POLN: variants seen among roughly 807,000 people sequenced by gnomAD.
The protein encoded by POLN is DNA polymerase N.
In POLN, 108 loss-of-function variants were observed where a neutral mutation model predicts 113.5. That is an observed-to-expected ratio of 0.95 (90% CI 0.81 to 1.12). The LOEUF is 1.12. POLN is among the 50% of genes most tolerant of loss of function. The pLI is 0.00. For missense variants in POLN, 1,097 were observed against 1,077.1 expected (o/e 1.02, Z -0.26); for synonymous variants, 386 against 391.5 (o/e 0.99, Z 0.17).
At chr4:2,186,177 A>C (rs1281762580) in intron 7 of POLN, among the ~76,000 whole-genome samples, 1 of 152,230 alleles carries the variant, frequency 6.6e-6, no homozygotes, top group African/African-American at 2.4e-5. Context: ...AACTGAAAAA[A>C]GTGAGACTGA....
intron 23 of POLN, chr4:2,077,166 G>C (rs946520349): frequency 1.3e-5 from 2 of 152,256 alleles, no homozygotes; most frequent in Admixed American, 1.3e-4. Flanking sequence ...TGCAAGGTGT[G>C]AGGGCTGGAG....
At chr4:2,112,346 A>T (rs887564397) in intron 19 of POLN, among the ~76,000 whole-genome samples, 102 of 152,354 alleles carry the variant, frequency 6.7e-4, no homozygotes, top group Non-Finnish European at 1.3e-3. Flanking sequence ...CATGTCTAAA[A>T]CACCAAAGCA....
At chr4:2,201,305 G>GAAAAAAAA (rs1733709580) in intron 5 of POLN, among the ~76,000 whole-genome samples, 34 of 58,098 alleles carry the variant, frequency 5.9e-4, no homozygotes, top group African/African-American at 2.1e-3. Flanking sequence ...AAAAAAAAAC[G>GAAAAAAAA]AGGGGAGAAA....
intron 2 of POLN, among the ~76,000 whole-genome samples, chr4:2,235,297 G>A (rs1734722154): frequency 6.6e-6 from 1 of 152,192 alleles, no homozygotes; most frequent in South Asian, 2.1e-4. Flanking sequence ...TCAGTAATGG[G>A]AGACCTTTCA....
intron 13 of POLN, among the ~76,000 whole-genome samples, chr4:2,169,342 G>C (rs1196652707): frequency 6.6e-6 from 1 of 152,232 alleles, no homozygotes; most frequent in Non-Finnish European, 1.5e-5. Flanking sequence ...AGAATGGTTG[G>C]AGGGATCTAA....
At chr4:2,143,596 T>C (rs1212315173) in intron 16 of POLN, among the ~76,000 whole-genome samples, 1 of 152,210 alleles carries the variant, frequency 6.6e-6, no homozygotes, top group Non-Finnish European at 1.5e-5. Context: ...ATGATTTCAT[T>C]AGAGGATTCT....
chr4:2,205,261 G>A (rs1186088088), intron 5 of POLN, among the ~76,000 whole-genome samples: 2 of 152,118 alleles, frequency 1.3e-5, no homozygotes, highest in Non-Finnish European at 2.9e-5. Context: ...CAAAATTAAG[G>A]TACACAAATC....
At chr4:2,114,071 G>C (rs543603260) in intron 19 of POLN, among the ~76,000 whole-genome samples, 1 of 151,384 alleles carries the variant, frequency 6.6e-6, no homozygotes, top group South Asian at 2.1e-4. Flanking sequence ...GCTAATTTTT[G>C]TATTTTTTGT....
intron 4 of POLN, among the ~76,000 whole-genome samples, chr4:2,209,068 T>A (rs1733926959): frequency 6.6e-6 from 1 of 152,150 alleles, no homozygotes; most frequent in Non-Finnish European, 1.5e-5. Flanking sequence ...TGGATAGGAT[T>A]ATGTTGCATA....
chr4:2,199,727 C>T (rs1733665093), intron 5 of POLN, among the ~76,000 whole-genome samples: 1 of 152,058 alleles, frequency 6.6e-6, no homozygotes, highest in South Asian at 2.1e-4. Context: ...CAGGCACACA[C>T]TGCCACACCC....
chr4:2,241,021 G>C, intron 2 of POLN: 2 of 1,106,934 alleles, frequency 1.8e-6, no homozygotes, highest in South Asian at 1.4e-5. Flanking sequence ...AATCCAAGCA[G>C]AAAAAAAGCT....
intron 13 of POLN, among the ~76,000 whole-genome samples, chr4:2,169,661 G>A (rs573160915): frequency 5.9e-5 from 9 of 152,192 alleles, no homozygotes; most frequent in Non-Finnish European, 1.0e-4. Flanking sequence ...AGGAAACTGA[G>A]GCACAGAGCA....
At position 2,163,135 on chromosome 4, in the gene POLN, G is replaced by A. The variant is rs1732643029; in HGVS notation, c.1555-3924C>T. ...CTGATTATATGATTTTGATGTAATA[G>A]GTGAACCATTAAATCATAGTGCTCT... On this transcript the variant is annotated intron_variant, in intron 13 of 25. Coordinates refer to ENST00000511885, the MANE Select transcript of POLN (RefSeq NM_181808.4). 1.3e-5 allele frequency among the ~76,000 whole-genome samples: 2 copies of A among 151,540 alleles called. 1 individual carries two copies. Among genetic ancestry groups the A allele is most frequent in the African/African-American group, 4.9e-5 (2 of 41,216 alleles).
chr4:2,095,846 C>T lies in POLN; in HGVS notation c.2065+5G>A, dbSNP rs1037003563. On this transcript the variant is annotated splice_donor_5th_base_variant and intron_variant, in intron 20 of 25. Transcript: ENST00000511885. The stretch of plus-strand genomic sequence containing the variant: ...CGAGACCCCAGCTCCCGGCCCGCAG[C>T]CTACCTGCTCCATAGACCACCGCGT... 6.2e-7 allele frequency: 1 copy of T among 1,613,880 alleles called. No individual in the cohort carries two copies. Among genetic ancestry groups the T allele is most frequent in the African/African-American group, 1.3e-5 (1 of 75,024 alleles).
chr4:2,096,621 C>T (rs578021541), intron 19 of POLN, among the ~76,000 whole-genome samples: 109 of 150,098 alleles, frequency 7.3e-4, no homozygotes, highest in African/African-American at 2.6e-3. Context: ...CTTTTGTAAA[C>T]ATCCTTATCA....
chr4:2,120,695 A>G (rs1731418419), intron 19 of POLN, among the ~76,000 whole-genome samples: 1 of 152,094 alleles, frequency 6.6e-6, no homozygotes, highest in African/African-American at 2.4e-5. Context: ...GGGTTTCATC[A>G]TGTTGGCCAT....
In POLN at chr4:2,129,184, G is replaced by A. The variant is rs757023933; in HGVS notation, c.1862C>T (p.Ala621Val). 6.9e-6 allele frequency: 11 copies of A among 1,584,312 alleles called. No individual in the cohort carries two copies. The highest frequency in any genetic ancestry group is 1.3e-5 in the African/African-American group (1 of 74,130). Residue 621 changes from alanine to valine, a missense_variant, in exon 18 of 26, where the codon GCA becomes GTA. Ala to Val is a moderately conservative substitution (Grantham distance 64, BLOSUM62 0). Transcript: ENST00000511885. ...AGCAAGCTACAGCAACGTACCTGCT[G>A]CTAGAAAGGTGTGGCCTTTGGATGA... is the stretch of plus-strand genomic sequence containing the variant. The part of the protein sequence containing the change: ...FVSSKGHTFL[A>V]ADFSQIELRI...
At chr4:2,229,441 G>A (rs1734498469) in intron 2 of POLN, 198 bp from the exon 3 acceptor site, 1 of 419,022 alleles carries the variant, frequency 2.4e-6, no homozygotes, top group South Asian at 4.6e-5. Flanking sequence ...CTTAATCCAG[G>A]TATCATAGTA....
At chr4:2,095,692 T>G (rs533564364) in intron 20 of POLN, among the ~76,000 whole-genome samples, 159 bp downstream of exon 20, 5 of 152,108 alleles carry the variant, frequency 3.3e-5, no homozygotes, top group African/African-American at 1.2e-4. Context: ...AGGCATGGGG[T>G]GGTCTGGCCA....
Sources: gnomAD v4.1 joint callset for allele counts (sites outside exome capture counted in the v4.1 genomes callset) on GRCh38, gnomAD v4.1.1 for gene constraint, MANE v1.5 for transcripts, NCBI Gene and HGNC (gene_info 2026-07-23, HGNC 2026-07-21) for gene names.